FNDC3A: variants seen among roughly 807,000 people sequenced by gnomAD.
The protein encoded by FNDC3A is fibronectin type-III domain-containing protein 3A.
FNDC3A carries 32 observed loss-of-function variants against 148.9 expected under a neutral mutation model. That is an observed-to-expected ratio of 0.21 (90% CI 0.16 to 0.29). FNDC3A has a LOEUF of 0.29. Ranked by LOEUF, FNDC3A falls within the 10% of genes least tolerant of loss-of-function variation. The pLI is 1.00. For synonymous variants in FNDC3A, 472 were observed against 473.6 expected (o/e 1.00, Z 0.04); for missense variants, 1,191 against 1,452.8 (o/e 0.82, Z 2.93).
intron 2 of FNDC3A, among the ~76,000 whole-genome samples, chr13:49,065,838 C>T (rs949418917): frequency 6.6e-6 from 1 of 152,052 alleles, no homozygotes; most frequent in African/African-American, 2.4e-5. Context: ...ATATGAGAAT[C>T]ATTCTTTATT....
intron 19 of FNDC3A, among the ~76,000 whole-genome samples, chr13:49,194,022 A>T (rs575086569): frequency 6.6e-6 from 1 of 152,302 alleles, no homozygotes; most frequent in Admixed American, 6.5e-5. Context: ...ATACTTGGGG[A>T]GGCCGAGGCT....
At chr13:49,039,000 C>T (rs1874715750) in intron 2 of FNDC3A, among the ~76,000 whole-genome samples, 1 of 152,052 alleles carries the variant, frequency 6.6e-6, no homozygotes, top group African/African-American at 2.4e-5. Flanking sequence ...GAAAAAGTCC[C>T]AGGACAATTC....
chr13:49,049,810 C>T (rs900672558), intron 2 of FNDC3A, among the ~76,000 whole-genome samples: 1 of 152,070 alleles, frequency 6.6e-6, no homozygotes, highest in Non-Finnish European at 1.5e-5. Context: ...TCCTCTGCCT[C>T]CCATGTTCAA....
chr13:49,017,736 G>T (rs1188449693), intron 2 of FNDC3A, among the ~76,000 whole-genome samples: 3 of 151,834 alleles, frequency 2.0e-5, no homozygotes, highest in African/African-American at 7.3e-5. Flanking sequence ...GCAGCAGCTG[G>T]TCCTGGTTGT....
intron 25 of FNDC3A, among the ~76,000 whole-genome samples, chr13:49,205,419 A>C (rs1886603058): frequency 6.6e-6 from 1 of 152,212 alleles, no homozygotes; most frequent in African/African-American, 2.4e-5. Context: ...ATTCTGTTTT[A>C]AGTGAATCCT....
At chr13:48,998,041 A>G (rs754960354) in intron 1 of FNDC3A, among the ~76,000 whole-genome samples, 6 of 152,168 alleles carry the variant, frequency 3.9e-5, no homozygotes, top group Non-Finnish European at 7.4e-5. Flanking sequence ...ACAGAATGTC[A>G]TTTGAAAACA....
At chr13:49,200,109 A>G (rs766540084) in intron 23 of FNDC3A, among the ~76,000 whole-genome samples, 12 of 152,150 alleles carry the variant, frequency 7.9e-5, no homozygotes, top group Non-Finnish European at 1.2e-4. Flanking sequence ...TTGCTTTTCT[A>G]CTTTTCACTG....
intron 2 of FNDC3A, among the ~76,000 whole-genome samples, chr13:49,058,288 A>G (rs897143061): frequency 6.6e-6 from 1 of 152,158 alleles, no homozygotes; most frequent in African/African-American, 2.4e-5. Flanking sequence ...ACCAGTAATT[A>G]GAAAGGAACA....
At chr13:48,979,735 C>T (rs185767810) in intron 1 of FNDC3A, among the ~76,000 whole-genome samples, 2 of 152,060 alleles carry the variant, frequency 1.3e-5, no homozygotes, top group East Asian at 1.9e-4. Flanking sequence ...GGTCAGGGGT[C>T]GGCCAACTTT....
chr13:49,185,383 C>T (rs1463946799), intron 14 of FNDC3A, among the ~76,000 whole-genome samples: 3 of 152,144 alleles, frequency 2.0e-5, no homozygotes, highest in Non-Finnish European at 4.4e-5. Context: ...GGGTTGCAGT[C>T]ATCTCAAGGC....
chr13:49,012,865 A>G (rs543436254), intron 2 of FNDC3A, among the ~76,000 whole-genome samples: 1 of 138,378 alleles, frequency 7.2e-6, no homozygotes, highest in East Asian at 2.2e-4. Context: ...CTGGTGAGTT[A>G]GAAATACAGT....
chr13:49,161,008 T>G (rs1291359699), intron 8 of FNDC3A, among the ~76,000 whole-genome samples: 1 of 152,224 alleles, frequency 6.6e-6, no homozygotes, highest in Non-Finnish European at 1.5e-5. Flanking sequence ...TTTCTGTTCT[T>G]TTACATTTGC....
At chr13:49,149,163 C>CTT (rs766364277) in intron 8 of FNDC3A, among the ~76,000 whole-genome samples, 1 of 134,240 alleles carries the variant, frequency 7.4e-6, no homozygotes, top group Non-Finnish European at 1.6e-5. Context: ...GACAATTTGA[C>CTT]TTTTTTTTTT....
intron 2 of FNDC3A, among the ~76,000 whole-genome samples, chr13:49,039,589 C>T (rs963578976): frequency 4.6e-5 from 7 of 152,182 alleles, no homozygotes; most frequent in Admixed American, 6.5e-5. Flanking sequence ...TTAAGAATTG[C>T]AGTGAGCATT....
chr13:49,056,913 A>G (rs573071256), intron 2 of FNDC3A, among the ~76,000 whole-genome samples: 1 of 152,264 alleles, frequency 6.6e-6, no homozygotes, highest in Non-Finnish European at 1.5e-5. Context: ...TAGGAGGTCA[A>G]AACCTACAGT....
chr13:49,140,965 GT>G (rs1882655989), intron 7 of FNDC3A, among the ~76,000 whole-genome samples: 1 of 152,188 alleles, frequency 6.6e-6, no homozygotes, highest in Non-Finnish European at 1.5e-5. Context: ...TGTGGGAACA[GT>G]ATTGCAAACT....
intron 8 of FNDC3A, among the ~76,000 whole-genome samples, chr13:49,160,626 C>G (rs1314635952): frequency 6.6e-6 from 1 of 151,632 alleles, no homozygotes; most frequent in African/African-American, 2.4e-5. Context: ...CCCTTCAGTT[C>G]TGCTCTGATC....
intron 4 of FNDC3A, among the ~76,000 whole-genome samples, chr13:49,118,085 T>G (rs1280015006): frequency 6.6e-6 from 1 of 152,240 alleles, no homozygotes; most frequent in African/African-American, 2.4e-5. Context: ...CTAGAAAATG[T>G]GTCGTTTTCA....
intron 1 of FNDC3A, among the ~76,000 whole-genome samples, chr13:48,986,922 T>A (rs1951818304): frequency 6.6e-6 from 1 of 152,054 alleles, no homozygotes; most frequent in Non-Finnish European, 1.5e-5. Flanking sequence ...AGGAAACATG[T>A]TAATATGGTT....
Sources: allele counts gnomAD v4.1 joint callset (sites outside exome capture counted in the v4.1 genomes callset), GRCh38; gene constraint gnomAD v4.1.1; transcripts MANE v1.5; gene names NCBI Gene and HGNC (gene_info 2026-07-23, HGNC 2026-07-21).